Variants in SEMA5A observed in about 807,000 individuals in gnomAD.
The protein encoded by SEMA5A is semaphorin-5A.
Under a neutral mutation model 135.5 loss-of-function variants are expected in SEMA5A, and 55 were observed. The ratio of observed to expected loss-of-function variants is 0.41; its 90% confidence interval spans 0.33 to 0.51. SEMA5A has a LOEUF of 0.51. Among genes scored for constraint, SEMA5A ranks in the 20% least tolerant of loss-of-function variants. The pLI is 0.37. For synonymous variants in SEMA5A, 580 were observed against 546.5 expected (o/e 1.06, Z -0.85); for missense variants, 1,290 against 1,419.9 (o/e 0.91, Z 1.47).
chr5:9,426,051 A>G (rs1211749391), intron 2 of SEMA5A, among the ~76,000 whole-genome samples: 1 of 152,212 alleles, frequency 6.6e-6, no homozygotes, highest in African/African-American at 2.4e-5. Flanking sequence ...GGAAGTGCTC[A>G]GATAATGTAA....
chr5:9,197,785 T>TGTGTGTGTGTGTGTGTGTGTGTATGTG (rs1561011433), intron 9 of SEMA5A, among the ~76,000 whole-genome samples: 2 of 117,862 alleles, frequency 1.7e-5, no homozygotes, highest in African/African-American at 4.1e-5. Flanking sequence ...TGTGTGTGTG[T>TGTGTGTGTGTGTGTGTGTGTGTATGTG]TTTAACCCAG....
chr5:9,207,112 A>ATATATATATATATG (rs1232971360), intron 8 of SEMA5A, among the ~76,000 whole-genome samples: 3 of 84,798 alleles, frequency 3.5e-5, no homozygotes, highest in African/African-American at 1.1e-4. Context: ...GTATATATAT[A>ATATATATATATATG]TATATATATA....
At chr5:9,416,818 G>A (rs1757299275) in intron 2 of SEMA5A, among the ~76,000 whole-genome samples, 1 of 152,150 alleles carries the variant, frequency 6.6e-6, no homozygotes. Flanking sequence ...TGTCAATAGA[G>A]GCCAGTGATG....
chr5:9,492,484 C>CTATGCATGCTGCACT lies in SEMA5A; in HGVS notation c.-175+53085_-175+53099dup, dbSNP rs1735071015. Among the ~76,000 whole-genome samples the CTATGCATGCTGCACT allele has an allele frequency of 5.9e-5, 9 of 152,290 alleles. No homozygotes were observed. In the South Asian group the frequency reaches 1.9e-3, roughly 32 times the overall value. ...TTATCTGAATGGAGGAAACCAGGCT[C>CTATGCATGCTGCACT]TATGCATGCTGCACTCTGAGCAAGA... On this transcript the variant is annotated intron_variant, in intron 1 of 22. Coordinates refer to ENST00000382496, the MANE Select transcript of SEMA5A (RefSeq NM_003966.3).
At chr5:9,437,514 G>A (rs190228327) in intron 2 of SEMA5A, among the ~76,000 whole-genome samples, 3 of 152,022 alleles carry the variant, frequency 2.0e-5, no homozygotes, top group East Asian at 1.9e-4. Context: ...GCGCCACCAC[G>A]CCAGGCTAAT....
At chr5:9,263,854 C>A (rs922217077) in intron 5 of SEMA5A, among the ~76,000 whole-genome samples, 1 of 152,178 alleles carries the variant, frequency 6.6e-6, no homozygotes, top group Non-Finnish European at 1.5e-5. Context: ...TCTCAATGTG[C>A]ACTGCATTTA....
chr5:9,380,710 A>G (rs1755561814), intron 2 of SEMA5A, among the ~76,000 whole-genome samples: 1 of 152,242 alleles, frequency 6.6e-6, no homozygotes, highest in Non-Finnish European at 1.5e-5. Context: ...ATTATGAACA[A>G]TTTAAATGAT....
At chr5:9,249,686 T>C (rs1280914287) in intron 5 of SEMA5A, among the ~76,000 whole-genome samples, 1 of 152,158 alleles carries the variant, frequency 6.6e-6, no homozygotes, top group Non-Finnish European at 1.5e-5. Flanking sequence ...CATGCTGTGA[T>C]CTTGGGCGTC....
intron 2 of SEMA5A, among the ~76,000 whole-genome samples, chr5:9,387,180 C>G (rs577230121): frequency 1.3e-5 from 2 of 152,198 alleles, no homozygotes; most frequent in Non-Finnish European, 2.9e-5. Flanking sequence ...ATACTTATGG[C>G]CACAAGGTCA....
intron 1 of SEMA5A, among the ~76,000 whole-genome samples, chr5:9,461,888 A>G (rs1275034066): frequency 6.6e-6 from 1 of 152,200 alleles, no homozygotes; most frequent in Non-Finnish European, 1.5e-5. Context: ...TCTGTTACCT[A>G]GGAGGGGACT....
chr5:9,039,915 T>G lies in SEMA5A; in HGVS notation c.*2982A>C, dbSNP rs1735869009. On this transcript the variant is annotated 3_prime_UTR_variant, in exon 23 of 23. Coordinates refer to ENST00000382496, the MANE Select transcript of SEMA5A (RefSeq NM_003966.3). ...AGTGCACTGTAAAATCAATAGTAGA[T>G]GGTGATGAGTCTGGCCTCAAGAAAG... The G allele has an allele frequency of 6.6e-6, 1 of 152,178 alleles. No homozygotes were observed. The allele number at this position is 152,178 out of a possible 1,614,324, so 9.4% of individuals were successfully genotyped here.
chr5:9,099,923 C>T (rs1004193411), intron 16 of SEMA5A, among the ~76,000 whole-genome samples: 2 of 152,152 alleles, frequency 1.3e-5, no homozygotes, highest in African/African-American at 4.8e-5. Context: ...ACTCTGTGTG[C>T]AGAGAAAGAA....
chr5:9,326,543 G>A (rs1284852588), intron 4 of SEMA5A, among the ~76,000 whole-genome samples: 1 of 151,950 alleles, frequency 6.6e-6, no homozygotes, highest in African/African-American at 2.4e-5. Context: ...CATGAGGGAG[G>A]CCGAAGCAGA....
intron 1 of SEMA5A, among the ~76,000 whole-genome samples, chr5:9,440,349 A>T (rs1350600959): frequency 6.6e-6 from 1 of 152,210 alleles, no homozygotes. Flanking sequence ...AAGTTGGAAA[A>T]TTTTTAAGCG....
chr5:9,298,470 T>C (rs1010901108), intron 5 of SEMA5A, among the ~76,000 whole-genome samples: 16 of 152,264 alleles, frequency 1.1e-4, no homozygotes, highest in African/African-American at 3.9e-4. Flanking sequence ...CTAGCTTTTG[T>C]TTCTCTGTTA....
At chr5:9,339,460 C>T (rs1462817003) in intron 3 of SEMA5A, among the ~76,000 whole-genome samples, 1 of 152,210 alleles carries the variant, frequency 6.6e-6, no homozygotes, top group East Asian at 1.9e-4. Context: ...CAAAAGAGAA[C>T]CCAATGGCTC....
chr5:9,340,357 AC>A (rs565119011), intron 3 of SEMA5A, among the ~76,000 whole-genome samples: 83 of 152,314 alleles, frequency 5.4e-4, no homozygotes, highest in Middle Eastern at 3.4e-3. Flanking sequence ...CCAAGGGCTG[AC>A]CTTCCTGCTA....
intron 11 of SEMA5A, among the ~76,000 whole-genome samples, chr5:9,183,262 C>A (rs1193833625): frequency 6.6e-6 from 1 of 152,178 alleles, no homozygotes; most frequent in East Asian, 1.9e-4. Flanking sequence ...TGCCCTTGGA[C>A]AGCCGCCTGG....
chr5:9,170,242 A>C (rs1276306149), intron 11 of SEMA5A, among the ~76,000 whole-genome samples: 7 of 152,130 alleles, frequency 4.6e-5, no homozygotes, highest in Non-Finnish European at 4.4e-5. Flanking sequence ...TGGGTGACTC[A>C]TTTGCAAGAA....
Sources: allele counts gnomAD v4.1 joint callset (sites outside exome capture counted in the v4.1 genomes callset), GRCh38; gene constraint gnomAD v4.1.1; transcripts MANE v1.5; gene names NCBI Gene and HGNC (gene_info 2026-07-23, HGNC 2026-07-21).